CLN6: variants seen among roughly 807,000 people sequenced by gnomAD.
CLN6 encodes the protein CLN6 transmembrane ER protein.
CLN6 carries 22 observed loss-of-function variants against 33.3 expected under a neutral mutation model. The observed-to-expected ratio is 0.66, with a 90% CI of 0.47 to 0.94. The LOEUF (loss-of-function observed/expected upper bound fraction) is 0.94. Among genes scored for constraint, CLN6 ranks in the 40% least tolerant of loss-of-function variants. CLN6 has a pLI of 0.00. For missense variants in CLN6, 387 were observed against 417.1 expected, an observed-to-expected ratio of 0.93 and a Z score of 0.63; for synonymous variants, 201 against 174.6, an observed-to-expected ratio of 1.15 and a Z score of -1.19.
At position 68,219,484 on chromosome 15, in the gene CLN6, A is replaced by C. The variant is rs927894283; in HGVS notation, c.84-834T>G. On this transcript the variant is annotated intron_variant, in intron 1 of 6. Coordinates refer to ENST00000249806, the MANE Select transcript of CLN6 (RefSeq NM_017882.3). This position sits in a 1 kb window ranked among gnomAD's most constrained non-coding sequence, Gnocchi z 4.2. ...AGGAAGTGGAGTACTGCCTCACGAT[A>C]CATCTTTGGAGGCCTGTCCCTCTCA... 1.2e-4 allele frequency among the ~76,000 whole-genome samples: 18 copies of C among 152,140 alleles called. No individual in the cohort carries two copies. The highest frequency in any genetic ancestry group is 4.1e-4 in the African/African-American group (17 of 41,436).
At chr15:68,243,386 G>A (rs1892295775) in intron 1 of CLN6, among the ~76,000 whole-genome samples, 1 of 152,134 alleles carries the variant, frequency 6.6e-6, no homozygotes, top group Admixed American at 6.6e-5. Flanking sequence ...ATTGTAAAGG[G>A]TTCTAAAAAG....
rs748050497 is a variant in CLN6 at position 68,247,747 on chromosome 15, G to A, written c.179+8943C>T. Reference sequence around the variant, plus strand: ...ATCCTAAGCAAAACGAACAAACCTGGGTCAGGCATGGTGGCTCATGCCTGT... The same window carrying A: ...ATCCTAAGCAAAACGAACAAACCTGAGTCAGGCATGGTGGCTCATGCCTGT... On this transcript the variant is annotated intron_variant, in intron 1 of 6. Transcript: ENST00000538696. The surrounding 1 kb of genome is among the most constrained non-coding windows in gnomAD (Gnocchi z 4.2). 1.3e-4 allele frequency among the ~76,000 whole-genome samples: 20 copies of A among 152,202 alleles called. No individual in the cohort carries two copies. The highest frequency in any genetic ancestry group is 6.8e-3 in the Middle Eastern group (2 of 294).
chr15:68,232,196 C>T (rs1049526319), upstream of CLN6, among the ~76,000 whole-genome samples: 6 of 144,590 alleles, frequency 4.1e-5, no homozygotes, highest in Admixed American at 2.1e-4. This position sits in a 1 kb window ranked among gnomAD's most constrained non-coding sequence, Gnocchi z 4.7. Flanking sequence ...CTTGCTCTGT[C>T]GCCCAGGCTG....
Position 68,209,303 on chromosome 15 carries a change from G to A in CLN6, c.665+334C>T, listed in dbSNP as rs141222416. On this transcript the variant is annotated intron_variant, in intron 6 of 6. Coordinates refer to ENST00000249806, the MANE Select transcript of CLN6 (RefSeq NM_017882.3). This position sits in a 1 kb window ranked among gnomAD's most constrained non-coding sequence, Gnocchi z 4.9. Reference sequence around the variant, plus strand: ...AGGTGGAAACCGCAGCCCACTACAGGGCTTGGTGTCGGAGGTGGATTGTAC... The same window carrying A: ...AGGTGGAAACCGCAGCCCACTACAGAGCTTGGTGTCGGAGGTGGATTGTAC... Among the ~76,000 whole-genome samples the A allele has an allele frequency of 7.2e-4, 109 of 152,272 alleles. No homozygotes were observed. Among genetic ancestry groups the A allele is most frequent in the Middle Eastern group, 3.4e-3 (1 of 294 alleles).
Position 68,209,705 on chromosome 15 carries a change from G to T in CLN6, c.597C>A (p.Ala199=), listed in dbSNP as rs368546281. ...CTGGAATCAAGCTCTCAGCTTTAGA[G>T]GCAGTAAAGCAGCCGCTGAAGTACA... is the stretch of plus-strand genomic sequence containing the variant. ...LFMYFSGCFT[A]SKAESLIPGP... The change falls in exon 6 of 7, where the codon GCC becomes GCA. Residue 199 remains alanine (A), a synonymous_variant. Transcript: ENST00000249806. The surrounding 1 kb of genome is among the most constrained non-coding windows in gnomAD (Gnocchi z 4.9). 1 of 1,613,852 alleles carries T rather than the reference G, an allele frequency of 6.2e-7. No homozygotes were observed. Among genetic ancestry groups the T allele is most frequent in the South Asian group, 1.1e-5 (1 of 91,048 alleles).
intron 1 of CLN6, among the ~76,000 whole-genome samples, chr15:68,226,725 A>G (rs2093253132): frequency 6.6e-6 from 1 of 152,164 alleles, no homozygotes; most frequent in African/African-American, 2.4e-5. Context: ...TCGGCCTCCC[A>G]AAGTGCTGGG....
upstream of CLN6, among the ~76,000 whole-genome samples, chr15:68,234,358 C>T (rs866811260): frequency 3.3e-5 from 5 of 152,208 alleles, no homozygotes; most frequent in South Asian, 8.3e-4. The surrounding 1 kb of genome is among the most constrained non-coding windows in gnomAD (Gnocchi z 4.1). Context: ...GATTGGATGG[C>T]TTGAGCCAGT....
Position 68,229,379 on chromosome 15 carries a change from T to TCCGCC in CLN6, c.83+118_83+122dup, listed in dbSNP as rs2093261746. 4 of 710,240 alleles carry TCCGCC rather than the reference T, an allele frequency of 5.6e-6. No individual in the cohort carries two copies. The South Asian group carries it at 1.2e-4, about 20-fold the overall frequency. The allele number at this position is 710,240 out of a possible 1,614,324, so 44.0% of individuals were successfully genotyped here. A position where few individuals can be genotyped will look rare whatever the true frequency, so the allele number is the denominator to read the frequency against. ...CGCCTCCAAGCCCCCCGCGCTCCGC[T>TCCGCC]CCGCCCCGGCCAGCGCCGCACACGA... is the stretch of plus-strand genomic sequence containing the variant. On this transcript the variant is annotated intron_variant, in intron 1 of 6. Coordinates refer to ENST00000249806, the MANE Select transcript of CLN6 (RefSeq NM_017882.3).
intron 3 of CLN6, chr15:68,212,335 A>C (rs1366924753): frequency 5.6e-6 from 1 of 178,072 alleles, no homozygotes; most frequent in East Asian, 1.6e-4. Flanking sequence ...CCACTGTTTA[A>C]CTGAAAACAC....
At chr15:68,212,892 G>T (rs1425746400) in intron 3 of CLN6, 1 of 152,080 alleles carries the variant, frequency 6.6e-6, no homozygotes, top group Non-Finnish European at 1.5e-5. Context: ...TTTTGTACAT[G>T]AAACAAAGTT....
chr15:68,229,473 C>T, intron 1 of CLN6, 29 bp downstream of exon 1: 2 of 1,449,188 alleles, frequency 1.4e-6, no homozygotes, highest in Non-Finnish European at 1.8e-6. Context: ...AGGCGCCTAG[C>T]CCGCCCTCTC....
chr15:68,249,121 G>A (rs1165129830), intron 1 of CLN6, among the ~76,000 whole-genome samples: 1 of 152,156 alleles, frequency 6.6e-6, no homozygotes, highest in African/African-American at 2.4e-5. Flanking sequence ...AAGCTACAAT[G>A]AAACATTATC....
In CLN6 at chr15:68,214,364, G is replaced by A. The variant is rs1239104101; in HGVS notation, c.223C>T (p.Pro75Ser). The change falls in exon 3 of 7, where the codon CCA (proline) becomes TCA (serine). Residue 75 changes from proline to serine, a missense_variant. Transcript: ENST00000249806. ...TCCCCAACACTGGGCTTGTTGAGTGGAAACCACTCGAGAGGGAATACCAGC... is the reference window on the plus strand; with the variant it reads ...TCCCCAACACTGGGCTTGTTGAGTGAAAACCACTCGAGAGGGAATACCAGC... The part of the protein sequence containing the change: ...AMLVFPLEWF[P>S]LNKPSVGDYF... 2 of 1,613,964 alleles carry A rather than the reference G, an allele frequency of 1.2e-6. No homozygotes were observed. The highest frequency in any genetic ancestry group is 2.2e-5 in the East Asian group (1 of 44,884).
chr15:68,222,175 C>G (rs62002465), intron 1 of CLN6, among the ~76,000 whole-genome samples: 53 of 140,652 alleles, frequency 3.8e-4, no homozygotes, highest in Middle Eastern at 4.4e-3. Flanking sequence ...TCTGCCCGGC[C>G]GCCCCATCTG....
chr15:68,233,122 G>A (rs933421607), upstream of CLN6, among the ~76,000 whole-genome samples: 2 of 152,148 alleles, frequency 1.3e-5, no homozygotes, highest in Admixed American at 6.5e-5. The surrounding 1 kb of genome is among the most constrained non-coding windows in gnomAD (Gnocchi z 4.3). Flanking sequence ...GCTCCGCAGT[G>A]CACTCTCTTG....
Position 68,218,779 on chromosome 15 carries a change from G to A in CLN6, c.84-129C>T, listed in dbSNP as rs1360523941. On this transcript the variant is annotated intron_variant, in intron 1 of 6. Coordinates refer to ENST00000249806, the MANE Select transcript of CLN6 (RefSeq NM_017882.3). ...GAGACACACATAATTGAGTTCTATG[G>A]ATAGGGTTTTGCTGGATATACTGGG... The A allele has an allele frequency of 4.3e-6, 3 of 697,006 alleles. No homozygotes were observed. The East Asian group carries it at 8.8e-5, about 20-fold the overall frequency. The allele number at this position is 697,006 out of a possible 1,614,324, so 43.2% of individuals were successfully genotyped here.
At chr15:68,217,920 TC>T (rs1567097660) in intron 2 of CLN6, among the ~76,000 whole-genome samples, 24 of 10,112 alleles carry the variant, frequency 2.4e-3, no homozygotes, top group African/African-American at 2.8e-3. Context: ...TACCTACCTA[TC>T]TATCTTCCAT....
Position 68,227,866 on chromosome 15 carries a change from G to C in CLN6, c.83+1636C>G, listed in dbSNP as rs889163783. ...TGACCCTATCTGAGACCCACAGGCT[G>C]TTCCCATTGGGCTGTCACAGTTCAG... On this transcript the variant is annotated intron_variant, in intron 1 of 6. Transcript: ENST00000249806. This position sits in a 1 kb window ranked among gnomAD's most constrained non-coding sequence, Gnocchi z 4.1. Among the ~76,000 whole-genome samples the C allele has an allele frequency of 1.4e-4, 21 of 152,224 alleles. No homozygotes were observed. Among genetic ancestry groups the C allele is most frequent in the African/African-American group, 5.1e-4 (21 of 41,454 alleles).
rs1892440758 is a variant in CLN6, at chr15:68,256,686, T to C, written c.179+4A>G. ...TGCGCTGCTCTCATTGCCTTGAAAC[T>C]TACTTTTTACCTTTGAATTTGAGTT... is the stretch of plus-strand genomic sequence containing the variant. On this transcript the variant is annotated splice_donor_region_variant and intron_variant, in intron 1 of 6. Transcript: ENST00000538696. The surrounding 1 kb of genome is among the most constrained non-coding windows in gnomAD (Gnocchi z 4.1). 1.5e-6 allele frequency: 1 copy of C among 660,660 alleles called. No individual in the cohort carries two copies. Among genetic ancestry groups the C allele is most frequent in the African/African-American group, 1.8e-5 (1 of 55,390 alleles). The allele number at this position is 660,660 out of a possible 1,614,324, so 40.9% of individuals were successfully genotyped here. A position where few individuals can be genotyped will look rare whatever the true frequency, so the allele number is the denominator to read the frequency against.
Sources: gnomAD v4.1 joint callset for allele counts (sites outside exome capture counted in the v4.1 genomes callset) on GRCh38, gnomAD v4.1.1 for gene constraint, Gnocchi (gnomAD v3.1) non-coding constraint, MANE v1.5 for transcripts, NCBI Gene and HGNC (gene_info 2026-07-23, HGNC 2026-07-21) for gene names.